PDCD7: variants seen among roughly 807,000 people sequenced by gnomAD.
The protein encoded by PDCD7 is programmed cell death 7.
In PDCD7, 40 loss-of-function variants were observed where a neutral mutation model predicts 42.1. That is an observed-to-expected ratio of 0.95 (90% CI 0.74 to 1.24). PDCD7 has a LOEUF of 1.24. Among genes scored for constraint, PDCD7 ranks in the 50% most tolerant of loss-of-function variants. The pLI, the probability that PDCD7 is intolerant of heterozygous loss-of-function variation, is 0.00. For missense variants in PDCD7, 644 were observed against 662.8 expected, an observed-to-expected ratio of 0.97 and a Z score of 0.31; for synonymous variants, 299 against 303.3, an observed-to-expected ratio of 0.99 and a Z score of 0.15.
rs540507200 is a variant in PDCD7, at chr15:65,129,408, C to A, written c.871-238G>T. Among the ~76,000 whole-genome samples, 3 of 152,304 alleles carry A rather than the reference C, an allele frequency of 2.0e-5. No homozygotes were observed. The South Asian group carries it at 6.2e-4, about 32-fold the overall frequency. Reference sequence around the variant, plus strand: ...GAGAACCTCTCCTCTCTGTATCTTCCACATAGCACTGGTTTTGTTTCTTCC... The same window carrying A: ...GAGAACCTCTCCTCTCTGTATCTTCAACATAGCACTGGTTTTGTTTCTTCC... On this transcript the variant is annotated intron_variant, in intron 1 of 4. Coordinates refer to ENST00000204549, the MANE Select transcript of PDCD7 (RefSeq NM_005707.2).
At chr15:65,131,247 T>G (rs1439451470) in intron 1 of PDCD7, among the ~76,000 whole-genome samples, 2 of 152,202 alleles carry the variant, frequency 1.3e-5, no homozygotes, top group African/African-American at 4.8e-5. Context: ...TGTGGGCTCC[T>G]TATGAGAATC....
rs749739041 is a variant in PDCD7 at position 65,119,898 on chromosome 15, T to G, written c.1066A>C (p.Arg356=). ...ETFTHHLQRL[R]KLIKKRSELY... ...TCAGAGCGCTTTTTAATGAGTTTTC[T>G]CAGTCGCTGAAGATGATGCGTAAAA... Residue 356 remains arginine (R), a synonymous_variant, in exon 3 of 5, where the codon AGA becomes CGA. Coordinates refer to ENST00000204549, the MANE Select transcript of PDCD7 (RefSeq NM_005707.2). 1 of 1,614,236 alleles carries G rather than the reference T, an allele frequency of 6.2e-7. No homozygotes were observed. Among genetic ancestry groups the G allele is most frequent in the Non-Finnish European group, 8.5e-7 (1 of 1,180,050 alleles).
At position 65,133,699 on chromosome 15, in the gene PDCD7, G is replaced by A. The variant is rs944407228; in HGVS notation, c.83C>T (p.Pro28Leu). Residue 28 changes from proline (P) to leucine (L), a missense_variant, in exon 1 of 5, where the codon CCG becomes CTG. Physicochemically the swap from Pro to Leu is moderately conservative, Grantham distance 98. Transcript: ENST00000204549. ...AGCCGGGGAGGGCAGCGGCGGTGGC[G>A]GACAGCCGAAAGGAGCAGGAGGCGG... ...QPPPPAPFGC[P>L]PPPLPSPAFP... The A allele has an allele frequency of 4.7e-6, 6 of 1,280,590 alleles. No homozygotes were observed. Among genetic ancestry groups the A allele is most frequent in the Admixed American group, 4.1e-5 (1 of 24,144 alleles). 79.3% of individuals were successfully genotyped at this position (1,280,590 alleles called of 1,614,324 possible).
At chr15:65,120,572 G>A (rs559044577) in intron 2 of PDCD7, among the ~76,000 whole-genome samples, 1 of 152,238 alleles carries the variant, frequency 6.6e-6, no homozygotes, top group South Asian at 2.1e-4. Flanking sequence ...GCCAGGCATG[G>A]TGGCAGGTAC....
At chr15:65,124,339 C>T (rs1394465896) in intron 2 of PDCD7, among the ~76,000 whole-genome samples, 9 of 151,614 alleles carry the variant, frequency 5.9e-5, no homozygotes, top group Admixed American at 1.3e-4. Flanking sequence ...GCAGGAGAAT[C>T]GCTTGAACCT....
chr15:65,126,151 ATCTC>A (rs1241844149), intron 2 of PDCD7, among the ~76,000 whole-genome samples: 2 of 152,124 alleles, frequency 1.3e-5, no homozygotes, highest in African/African-American at 2.4e-5. Flanking sequence ...AGACTACACA[ATCTC>A]TCTCTAAGCA....
intron 2 of PDCD7, among the ~76,000 whole-genome samples, chr15:65,123,426 T>A (rs2087472818): frequency 6.6e-6 from 1 of 152,184 alleles, no homozygotes; most frequent in Admixed American, 6.5e-5. Flanking sequence ...GACCTCATGA[T>A]CCTCCCACCT....
chr15:65,119,369 C>T lies in PDCD7; in HGVS notation c.1334+7G>A. ...GAAAGACAACATGGAGAGCCAGCCC[C>T]TCTGACCTGATCTGGATGAGCGCTG... On this transcript the variant is annotated splice_region_variant and intron_variant, in intron 4 of 4. Transcript: ENST00000204549. 1 of 1,607,250 alleles carries T rather than the reference C, an allele frequency of 6.2e-7. No homozygotes were observed. Among genetic ancestry groups the T allele is most frequent in the Non-Finnish European group, 8.5e-7 (1 of 1,173,906 alleles).
At chr15:65,127,822 G>A (rs901132877) in intron 2 of PDCD7, among the ~76,000 whole-genome samples, 5 of 152,192 alleles carry the variant, frequency 3.3e-5, no homozygotes, top group East Asian at 1.9e-4. Flanking sequence ...GAAGTTTACT[G>A]AGCACTCACC....
intron 1 of PDCD7, among the ~76,000 whole-genome samples, chr15:65,129,915 A>AAT (rs1566973029): frequency 1.2e-5 from 1 of 84,956 alleles, no homozygotes. Flanking sequence ...GAAACTTTGT[A>AAT]TTTTTTTTTT....
intron 1 of PDCD7, among the ~76,000 whole-genome samples, chr15:65,130,485 T>TAAATAAATA (rs2087531042): frequency 1.3e-5 from 2 of 152,040 alleles, no homozygotes; most frequent in Non-Finnish European, 2.9e-5. Context: ...AACAATAAAA[T>TAAATAAATA]AAATAAAATA....
intron 2 of PDCD7, among the ~76,000 whole-genome samples, chr15:65,122,199 G>A (rs1302899622): frequency 6.6e-6 from 1 of 152,088 alleles, no homozygotes; most frequent in African/African-American, 2.4e-5. Context: ...AGCCGAGCAT[G>A]GTGGCGTGCG....
At position 65,133,108 on chromosome 15, in the gene PDCD7, G is replaced by A. The variant is rs909571941; in HGVS notation, c.674C>T (p.Pro225Leu). Reference protein sequence around the residue: ...LRAELAERLQPLTQAAYVGEA... With the variant: ...LRAELAERLQLLTQAAYVGEA... ...GCCCACATAGGCAGCCTGGGTCAAC[G>A]GCTGTAGCCGCTCGGCCAGTTCCGC... is the stretch of plus-strand genomic sequence containing the variant. The change falls in exon 1 of 5, where the codon CCG (proline) becomes CTG (leucine). Residue 225 changes from proline to leucine, a missense_variant. Coordinates refer to ENST00000204549, the MANE Select transcript of PDCD7 (RefSeq NM_005707.2). The A allele has an allele frequency of 3.2e-6, 5 of 1,551,538 alleles. No individual in the cohort carries two copies. The highest frequency in any genetic ancestry group is 2.7e-5 in the African/African-American group (2 of 73,652).
chr15:65,132,620 G>C (rs2087550165), intron 1 of PDCD7, among the ~76,000 whole-genome samples: 1 of 152,186 alleles, frequency 6.6e-6, no homozygotes, highest in African/African-American at 2.4e-5. Flanking sequence ...CTGGTTTTGA[G>C]AGTAAGTGGA....
At chr15:65,130,227 G>A (rs1418048325) in intron 1 of PDCD7, among the ~76,000 whole-genome samples, 7 of 143,184 alleles carry the variant, frequency 4.9e-5, no homozygotes, top group Non-Finnish European at 1.0e-4. Context: ...GCGCGATCTC[G>A]GCTTACTGCA....
intron 1 of PDCD7, among the ~76,000 whole-genome samples, chr15:65,131,401 T>A (rs369603194): frequency 6.6e-6 from 1 of 152,070 alleles, no homozygotes; most frequent in Non-Finnish European, 1.5e-5. Context: ...GTAATAATAA[T>A]AGAAATAATG....
In PDCD7 at chr15:65,123,647, T is replaced by C. The variant is rs113331363; in HGVS notation, c.1010-3693A>G. Among the ~76,000 whole-genome samples the C allele has an allele frequency of 6.8e-4, 104 of 152,344 alleles. 2 individuals carry two copies. Among genetic ancestry groups the C allele is most frequent in the African/African-American group, 2.3e-3 (96 of 41,590 alleles). On this transcript the variant is annotated intron_variant, in intron 2 of 4. Transcript: ENST00000204549. The stretch of plus-strand genomic sequence containing the variant: ...AAGTTGTAATTTGGAGGTAGGATTC[T>C]TTCCTCCTTCAACCACTACAGCTAA...
intron 2 of PDCD7, among the ~76,000 whole-genome samples, chr15:65,125,988 T>G (rs1422616054): frequency 6.6e-6 from 1 of 152,162 alleles, no homozygotes; most frequent in African/African-American, 2.4e-5. Context: ...CCATCAGATC[T>G]CATGAGACTT....
chr15:65,123,266 T>C (rs1368251005), intron 2 of PDCD7, among the ~76,000 whole-genome samples: 1 of 152,200 alleles, frequency 6.6e-6, no homozygotes, highest in Admixed American at 6.5e-5. Context: ...CACCTCACTG[T>C]AACCTCTGAT....
Sources: allele counts gnomAD v4.1 joint callset (sites outside exome capture counted in the v4.1 genomes callset), GRCh38; gene constraint gnomAD v4.1.1; transcripts MANE v1.5; gene names NCBI Gene and HGNC (gene_info 2026-07-23, HGNC 2026-07-21).